Variants in TNPO3 observed in about 807,000 individuals in gnomAD.
TNPO3 encodes transportin 3.
A neutral mutation model predicts 122.8 loss-of-function variants in TNPO3; 65 were observed. The observed-to-expected ratio is 0.53, with a 90% confidence interval of 0.43 to 0.65. The LOEUF is 0.65. TNPO3 is among the 30% of genes least tolerant of loss of function. The probability of loss-of-function intolerance (pLI) is 0.00; values close to 1 mark genes in which losing one functional copy is unlikely to be tolerated. For missense variants in TNPO3, 850 were observed against 1,136.7 expected (o/e 0.75, Z 3.63); for synonymous variants, 372 against 411.2 (o/e 0.90, Z 1.15).
chr7:129,052,084 C>T (rs1808848186), intron 1 of TNPO3, among the ~76,000 whole-genome samples: 2 of 152,202 alleles, frequency 1.3e-5, no homozygotes, highest in Admixed American at 6.5e-5. Flanking sequence ...GTTGCCTAAA[C>T]GTGATGTGTT....
At chr7:129,035,950 CTT>C (rs71162551) in intron 1 of TNPO3, among the ~76,000 whole-genome samples, 25 of 119,916 alleles carry the variant, frequency 2.1e-4, no homozygotes, top group South Asian at 5.4e-4. Context: ...CTTTTCTTTT[CTT>C]TTTTTTTTTT....
Position 129,002,701 on chromosome 7 carries a change from A to G in TNPO3, c.697-1467T>C, listed in dbSNP as rs548241699. 1.4e-3 allele frequency among the ~76,000 whole-genome samples: 212 copies of G among 151,942 alleles called. 1 individual carries two copies. Among genetic ancestry groups the G allele is most frequent in the Middle Eastern group, 6.8e-3 (2 of 294 alleles). ...TGGGAGGCCAAGGTGGGCAGATCAC[A>G]AGGTCAGGAGATCGAGACCATCCTG... is the stretch of plus-strand genomic sequence containing the variant. On this transcript the variant is annotated intron_variant, in intron 5 of 22. Transcript: ENST00000265388.
At chr7:128,971,587 C>A (rs536515977) in intron 19 of TNPO3, among the ~76,000 whole-genome samples, 1 of 152,318 alleles carries the variant, frequency 6.6e-6, no homozygotes, top group Admixed American at 6.5e-5. Flanking sequence ...ATGCAGAATA[C>A]TTACTTCTTC....
chr7:128,957,206 G>C lies in TNPO3; in HGVS notation c.*31+18C>G, dbSNP rs776168652. ...AGTCCGACAGTCCGGACAAAAGCTG[G>C]GAACTATGTATCCTCACCTGGGTGA... On this transcript the variant is annotated intron_variant, in intron 22 of 22. Transcript: ENST00000265388. 36 of 1,608,442 alleles carry C rather than the reference G, an allele frequency of 2.2e-5. No homozygotes were observed. The highest frequency in any genetic ancestry group is 8.5e-7 in the Non-Finnish European group (1 of 1,175,016).
chr7:128,987,689 T>C (rs755576383), intron 11 of TNPO3, among the ~76,000 whole-genome samples: 1 of 152,176 alleles, frequency 6.6e-6, no homozygotes, highest in Non-Finnish European at 1.5e-5. Context: ...CAAGCAATTA[T>C]CCTGCCTTAG....
chr7:129,028,940 GA>G, intron 1 of TNPO3: 1 of 438,952 alleles, frequency 2.3e-6, no homozygotes, highest in East Asian at 7.2e-5. Flanking sequence ...CTTCCTTGAT[GA>G]AGGTTTTACT....
At chr7:128,964,405 G>A (rs1331032221) in intron 21 of TNPO3, among the ~76,000 whole-genome samples, 1 of 140,160 alleles carries the variant, frequency 7.1e-6, no homozygotes, top group African/African-American at 2.7e-5. Context: ...GTGCAATCTC[G>A]GCTCACTGCA....
At chr7:128,970,990 T>C (rs542462195) in intron 19 of TNPO3, 1 of 151,922 alleles carries the variant, frequency 6.6e-6, no homozygotes, top group South Asian at 2.1e-4. Context: ...CGCCTGTGAA[T>C]GGCCACTACA....
chr7:128,997,348 G>A, intron 8 of TNPO3, 41 bp downstream of exon 8: 4 of 1,605,888 alleles, frequency 2.5e-6, no homozygotes, highest in African/African-American at 1.3e-5. Context: ...ACTGACAAGA[G>A]GAAGAAATTA....
Position 129,017,061 on chromosome 7 carries a change from A to G in TNPO3, c.322-5T>C, listed in dbSNP as rs1803930222. On this transcript the variant is annotated splice_region_variant and splice_polypyrimidine_tract_variant and intron_variant, in intron 2 of 22. Transcript: ENST00000265388. ...ATCTGCTATTGCTAAAGCCAGCTGA[A>G]TAAGAGAGATTAAATAAATGAAGAC... is the stretch of plus-strand genomic sequence containing the variant. 6.2e-7 allele frequency: 1 copy of G among 1,610,072 alleles called. No homozygotes were observed. The highest frequency in any genetic ancestry group is 1.3e-5 in the African/African-American group (1 of 74,916).
At chr7:129,000,230 G>GT (rs1233073880) in intron 7 of TNPO3, among the ~76,000 whole-genome samples, 199 bp downstream of exon 7, 1 of 152,076 alleles carries the variant, frequency 6.6e-6, no homozygotes, top group Non-Finnish European at 1.5e-5. Flanking sequence ...AGCCAACCAG[G>GT]TAAGAAAACA....
chr7:129,040,084 G>A (rs997329990), intron 1 of TNPO3, among the ~76,000 whole-genome samples: 3 of 151,950 alleles, frequency 2.0e-5, no homozygotes, highest in South Asian at 2.1e-4. Context: ...GTGAAACCCC[G>A]TCTCTACTAA....
chr7:129,025,382 A>C (rs1189533443), intron 1 of TNPO3, among the ~76,000 whole-genome samples: 6 of 142,684 alleles, frequency 4.2e-5, no homozygotes, highest in Non-Finnish European at 9.2e-5. Context: ...AAAAAAAAAA[A>C]AAAAAAAAAA....
rs140207735 is a variant in TNPO3, at chr7:129,055,091, C to G, written c.-321G>C. 393 of 335,598 alleles carry G rather than the reference C, an allele frequency of 1.2e-3. 1 individual carries two copies. Among genetic ancestry groups the G allele is most frequent in the African/African-American group, 7.9e-3 (377 of 47,636 alleles). The allele number at this position is 335,598 out of a possible 1,614,324, so 20.8% of individuals were successfully genotyped here. A position where few individuals can be genotyped will look rare whatever the true frequency, so the allele number is the denominator to read the frequency against. ...AAGCCTATCTTGGGAGGCCACACACCAGTGTACCTAAGGTTCGTTTACCCG... is the reference window on the plus strand; with the variant it reads ...AAGCCTATCTTGGGAGGCCACACACGAGTGTACCTAAGGTTCGTTTACCCG... On this transcript the variant is annotated 5_prime_UTR_variant, in exon 1 of 23. Coordinates refer to ENST00000265388, the MANE Select transcript of TNPO3 (RefSeq NM_012470.4).
At chr7:129,047,188 T>C (rs1368737770) in intron 1 of TNPO3, among the ~76,000 whole-genome samples, 2 of 152,226 alleles carry the variant, frequency 1.3e-5, no homozygotes, top group Non-Finnish European at 2.9e-5. Flanking sequence ...TACTGAACTA[T>C]AAAACTTTTG....
chr7:129,056,076 A>G, upstream of TNPO3: 1 of 1,162,564 alleles, frequency 8.6e-7, no homozygotes, highest in Non-Finnish European at 1.3e-6. Flanking sequence ...CGGGCGGAAG[A>G]AATGTCTGGG....
chr7:128,997,017 T>G (rs1157193366), intron 8 of TNPO3, among the ~76,000 whole-genome samples: 4 of 152,156 alleles, frequency 2.6e-5, no homozygotes, highest in African/African-American at 9.7e-5. Context: ...GCTGGAGTGT[T>G]TTGCTTTTTT....
chr7:129,000,377 T>C lies in TNPO3; in HGVS notation c.1011+52A>G, dbSNP rs1400765129. ...GCACGAGGTAATGAAATATAGATAATATGCAGCACACAACTTGGAGAATAA... is the reference window on the plus strand; with the variant it reads ...GCACGAGGTAATGAAATATAGATAACATGCAGCACACAACTTGGAGAATAA... On this transcript the variant is annotated intron_variant, in intron 7 of 22. Coordinates refer to ENST00000265388, the MANE Select transcript of TNPO3 (RefSeq NM_012470.4). 2.2e-5 allele frequency: 32 copies of C among 1,488,074 alleles called. No individual in the cohort carries two copies. In the Admixed American group the frequency reaches 6.3e-4, roughly 29 times the overall value. 92.2% of individuals were successfully genotyped at this position (1,488,074 alleles called of 1,614,324 possible).
intron 11 of TNPO3, among the ~76,000 whole-genome samples, chr7:128,987,461 TG>T (rs1416128104): frequency 6.6e-6 from 1 of 152,240 alleles, no homozygotes; most frequent in East Asian, 1.9e-4. Context: ...TTTTACCAAA[TG>T]TAAGTGCTCC....
Sources: gnomAD v4.1 joint callset for allele counts (sites outside exome capture counted in the v4.1 genomes callset) on GRCh38, gnomAD v4.1.1 for gene constraint, MANE v1.5 for transcripts, NCBI Gene and HGNC (gene_info 2026-07-23, HGNC 2026-07-21) for gene names.